The following MID2 variants were observed in gnomAD, a reference collection of about 807,000 sequenced individuals.
The protein encoded by MID2 is probable E3 ubiquitin-protein ligase MID2.
Under a neutral mutation model 46.1 loss-of-function variants are expected in MID2, and 13 were observed. The observed-to-expected ratio is 0.28, with a 90% CI of 0.18 to 0.45. The LOEUF (loss-of-function observed/expected upper bound fraction) is 0.45. Among genes scored for constraint, MID2 ranks in the 20% least tolerant of loss-of-function variants. The pLI, the probability that MID2 is intolerant of heterozygous loss-of-function variation, is 1.00. For missense variants in MID2, 431 were observed against 575.4 expected (o/e 0.75, Z 2.57); for synonymous variants, 199 against 212.3 (o/e 0.94, Z 0.55).
At chrX:107,879,251 G>A (rs936132621) in intron 3 of MID2, among the ~76,000 whole-genome samples, 2 of 112,019 alleles carry the variant, frequency 1.8e-5, no homozygotes, top group East Asian at 5.6e-4. Context: ...CCGAGTTCTT[G>A]TCCAGTGTCC....
intron 3 of MID2, among the ~76,000 whole-genome samples, chrX:107,868,792 C>A (rs1259944625): frequency 9.1e-6 from 1 of 110,340 alleles, no homozygotes; most frequent in Non-Finnish European, 1.9e-5. Context: ...ACTTTGAGAG[C>A]CTGCTTGAAG....
Position 107,930,835 on chromosome X carries a change from C to G in MID2, c.*3762C>G, listed in dbSNP as rs1258533071. Among the ~76,000 whole-genome samples, 1 of 112,547 alleles carries G rather than the reference C, an allele frequency of 8.9e-6. No individual in the cohort carries two copies. Among genetic ancestry groups the G allele is most frequent in the Non-Finnish European group, 1.9e-5 (1 of 53,264 alleles). The stretch of plus-strand genomic sequence containing the variant: ...CTCAACCTGTTCTCCACAACTGTTT[C>G]TACCAGAAGATTATTTTATGTCTGC... On this transcript the variant is annotated 3_prime_UTR_variant, in exon 10 of 10. Coordinates refer to ENST00000262843, the MANE Select transcript of MID2 (RefSeq NM_012216.4).
intron 3 of MID2, among the ~76,000 whole-genome samples, chrX:107,854,945 C>G (rs752417305): frequency 9.0e-6 from 1 of 111,636 alleles, no homozygotes; most frequent in Non-Finnish European, 1.9e-5. Flanking sequence ...GCAACCTATT[C>G]TCCTTTCCAA....
chrX:107,904,348 G>C (rs1932818948), intron 4 of MID2, among the ~76,000 whole-genome samples: 1 of 111,849 alleles, frequency 8.9e-6, no homozygotes, highest in Non-Finnish European at 1.9e-5. Flanking sequence ...ACTGTTGTAT[G>C]TTATAACTCA....
At chrX:107,828,513 T>G (rs1294834132) in intron 1 of MID2, among the ~76,000 whole-genome samples, 1 of 110,916 alleles carries the variant, frequency 9.0e-6, no homozygotes, top group African/African-American at 3.3e-5. Context: ...CGTTTTGCCA[T>G]GTTGCCCAGG....
intron 4 of MID2, 123 bp from the exon 5 acceptor site, chrX:107,905,355 G>A: frequency 1.8e-6 from 1 of 565,888 alleles, no homozygotes; most frequent in Non-Finnish European, 2.8e-6. Context: ...CAGGGACCAT[G>A]GAATATTAAT....
At chrX:107,862,086 T>G in intron 3 of MID2, among the ~76,000 whole-genome samples, 1 of 111,925 alleles carries the variant, frequency 8.9e-6, no homozygotes, top group Non-Finnish European at 1.9e-5. Flanking sequence ...AAGTACCTGC[T>G]ACTGTGCCTG....
chrX:107,891,106 C>T (rs775277429), intron 3 of MID2, among the ~76,000 whole-genome samples: 5 of 109,770 alleles, frequency 4.6e-5, no homozygotes, highest in South Asian at 4.0e-4. Context: ...ACGCTCGGTG[C>T]GCTGCACCCA....
intron 5 of MID2, among the ~76,000 whole-genome samples, chrX:107,906,400 A>C (rs1242638715): frequency 9.0e-6 from 1 of 111,437 alleles, no homozygotes; most frequent in African/African-American, 3.3e-5. Flanking sequence ...CTAATGCTTT[A>C]GCCATCTAGC....
chrX:107,858,176 G>A (rs1931784290), intron 3 of MID2, among the ~76,000 whole-genome samples: 1 of 112,111 alleles, frequency 8.9e-6, no homozygotes, highest in Non-Finnish European at 1.9e-5. Context: ...TGCTGCTGAA[G>A]GTTTCAGAAT....
At chrX:107,903,758 G>A (rs777744889) in intron 3 of MID2, among the ~76,000 whole-genome samples, 200 bp from the exon 4 acceptor site, 1 of 111,363 alleles carries the variant, frequency 9.0e-6, no homozygotes, top group South Asian at 3.8e-4. Flanking sequence ...ATCTACCAGA[G>A]GCCTGGAGAG....
At chrX:107,846,671 C>G (rs1312403605) in intron 2 of MID2, among the ~76,000 whole-genome samples, 1 of 111,920 alleles carries the variant, frequency 8.9e-6, no homozygotes, top group Non-Finnish European at 1.9e-5. Flanking sequence ...ATTGATTTCT[C>G]TGTCTCTGAA....
intron 3 of MID2, among the ~76,000 whole-genome samples, chrX:107,902,331 G>T (rs1932801157): frequency 8.9e-6 from 1 of 111,841 alleles, no homozygotes; most frequent in Non-Finnish European, 1.9e-5. Context: ...ACCTAAAAAA[G>T]AAATTATAAA....
At chrX:107,917,280 A>G (rs1932987305) in intron 6 of MID2, among the ~76,000 whole-genome samples, 1 of 111,911 alleles carries the variant, frequency 8.9e-6, no homozygotes, top group Admixed American at 9.5e-5. Context: ...ACAAAAATTT[A>G]GGCTTATATC....
At chrX:107,847,320 A>G (rs1931511357) in intron 2 of MID2, among the ~76,000 whole-genome samples, 1 of 112,012 alleles carries the variant, frequency 8.9e-6, no homozygotes, top group Admixed American at 9.5e-5. Context: ...CCAATTCAGT[A>G]TGGTAAGTGC....
intron 8 of MID2, 104 bp from the exon 9 acceptor site, chrX:107,925,990 A>G: frequency 3.5e-6 from 2 of 577,918 alleles, no homozygotes; most frequent in South Asian, 6.0e-5. Context: ...AAGAGTGATC[A>G]TGTTATCGAG....
intron 3 of MID2, chrX:107,895,550 C>G (rs1430794182): frequency 8.9e-6 from 1 of 111,764 alleles, no homozygotes; most frequent in African/African-American, 3.3e-5. Flanking sequence ...TGTGAATATT[C>G]TACAATTTGT....
At chrX:107,886,031 T>C (rs1482705967) in intron 3 of MID2, among the ~76,000 whole-genome samples, 3 of 111,976 alleles carry the variant, frequency 2.7e-5, no homozygotes, top group Non-Finnish European at 3.8e-5. Flanking sequence ...AGCCCTTTGT[T>C]AGATGAGTAG....
At chrX:107,888,870 T>G (rs988381106) in intron 3 of MID2, among the ~76,000 whole-genome samples, 2 of 111,968 alleles carry the variant, frequency 1.8e-5, no homozygotes, top group African/African-American at 6.5e-5. Flanking sequence ...TACCATTATG[T>G]AATGGCCTTC....
Sources: gnomAD v4.1 joint callset for allele counts (sites outside exome capture counted in the v4.1 genomes callset) on GRCh38, gnomAD v4.1.1 for gene constraint, MANE v1.5 for transcripts, NCBI Gene and HGNC (gene_info 2026-07-23, HGNC 2026-07-21) for gene names.